The following USP32 variants were observed in gnomAD, a reference collection of about 807,000 sequenced individuals.
USP32 encodes the protein ubiquitin specific peptidase 32.
USP32 carries 59 observed loss-of-function variants against 204.8 expected under a neutral mutation model. The ratio of observed to expected loss-of-function variants is 0.29; its 90% CI spans 0.23 to 0.36. The LOEUF is 0.36. USP32 is among the 10% of genes least tolerant of loss of function. The pLI is 1.00. For missense variants in USP32, 1,160 were observed against 1,946.4 expected (o/e 0.60, Z 7.60); for synonymous variants, 517 against 678.4 (o/e 0.76, Z 3.70).
At chr17:60,283,906 G>C (rs546823032) in intron 5 of USP32, among the ~76,000 whole-genome samples, 3 of 152,096 alleles carry the variant, frequency 2.0e-5, no homozygotes, top group Non-Finnish European at 4.4e-5. Context: ...CATCATCCGA[G>C]AACAAACTAG....
rs569124762 is a variant in USP32, at chr17:60,219,895, C to G, written c.1750-108G>C. The stretch of plus-strand genomic sequence containing the variant: ...TAAACCAAAATGTCCAACAAGTTCA[C>G]TAGCTACATTTCAGTAATTACTGAA... On this transcript the variant is annotated intron_variant, in intron 15 of 33. Transcript: ENST00000300896. The G allele has an allele frequency of 1.2e-5, 12 of 1,040,680 alleles. No individual in the cohort carries two copies. In the South Asian group the frequency reaches 1.5e-4, roughly 13 times the overall value. The allele number at this position is 1,040,680 out of a possible 1,614,324, so 64.5% of individuals were successfully genotyped here. A position where few individuals can be genotyped will look rare whatever the true frequency, so the allele number is the denominator to read the frequency against.
chr17:60,235,589 C>T (rs2085702239), intron 12 of USP32, among the ~76,000 whole-genome samples: 1 of 152,138 alleles, frequency 6.6e-6, no homozygotes, highest in Non-Finnish European at 1.5e-5. Flanking sequence ...TATCAGTTGG[C>T]TCTCCAAGAA....
chr17:60,238,842 C>A (rs1298324885), intron 11 of USP32, among the ~76,000 whole-genome samples: 3 of 150,658 alleles, frequency 2.0e-5, no homozygotes, highest in African/African-American at 7.3e-5. Flanking sequence ...TGTGGTGGTG[C>A]ACGCCTGTGG....
At chr17:60,183,552 T>C (rs1322168265) in intron 30 of USP32, 99 bp from the exon 31 acceptor site, 2 of 1,431,820 alleles carry the variant, frequency 1.4e-6, no homozygotes, top group Non-Finnish European at 1.9e-6. Context: ...TGTTTGGGAA[T>C]ATATAACAGA....
chr17:60,255,306 T>TC lies in USP32; in HGVS notation c.991-49_991-48insG, dbSNP rs751557802. 11 of 1,501,256 alleles carry TC rather than the reference T, an allele frequency of 7.3e-6. No individual in the cohort carries two copies. In the African/African-American group the frequency reaches 1.2e-4, roughly 16 times the overall value. The allele number at this position is 1,501,256 out of a possible 1,614,324, so 93.0% of individuals were successfully genotyped here. A position where few individuals can be genotyped will look rare whatever the true frequency, so the allele number is the denominator to read the frequency against. On this transcript the variant is annotated intron_variant, in intron 9 of 33. Transcript: ENST00000300896. ...AGGAACATCTTTTTTTTCTTTTTTT[T>TC]TTTTTTTTTGAGACGGAGTCTCATA...
intron 2 of USP32, among the ~76,000 whole-genome samples, chr17:60,310,623 CG>C (rs1362414040): frequency 6.6e-6 from 1 of 151,834 alleles, no homozygotes. Flanking sequence ...CACTTGAACC[CG>C]GGAGGCGGAG....
At chr17:60,270,584 G>A (rs774497179) in intron 6 of USP32, among the ~76,000 whole-genome samples, 1 of 152,146 alleles carries the variant, frequency 6.6e-6, no homozygotes, top group Non-Finnish European at 1.5e-5. Context: ...AGCACTTTGG[G>A]AGGCTGAGGT....
chr17:60,216,302 A>C (rs561618317), intron 16 of USP32, among the ~76,000 whole-genome samples: 139 of 151,788 alleles, frequency 9.2e-4, no homozygotes, highest in African/African-American at 3.3e-3. Context: ...AAAAAAAAAA[A>C]AAAACATCAT....
At chr17:60,311,647 A>G (rs545887165) in intron 2 of USP32, among the ~76,000 whole-genome samples, 21 of 152,144 alleles carry the variant, frequency 1.4e-4, no homozygotes, top group Admixed American at 6.5e-4. Flanking sequence ...ACATGGTGAA[A>G]CCCTGTCTCT....
chr17:60,222,588 T>C, intron 14 of USP32, 39 bp from the exon 15 acceptor site: 1 of 1,598,196 alleles, frequency 6.3e-7, no homozygotes, highest in South Asian at 1.1e-5. Flanking sequence ...CTTTCAATAT[T>C]ACAAAAGTTT....
intron 16 of USP32, among the ~76,000 whole-genome samples, chr17:60,216,739 G>A (rs2085113931): frequency 6.6e-6 from 1 of 152,042 alleles, no homozygotes; most frequent in Non-Finnish European, 1.5e-5. Context: ...GTAATAAATT[G>A]AGTATTTGAG....
chr17:60,395,115 A>C (rs1484632678), upstream of USP32, among the ~76,000 whole-genome samples: 6 of 152,216 alleles, frequency 3.9e-5, no homozygotes, highest in African/African-American at 1.4e-4. Flanking sequence ...AAAGCAGTGT[A>C]ATCTTACATG....
At chr17:60,180,699 C>G (rs1175464788) in intron 32 of USP32, 62 bp from the exon 33 acceptor site, 4 of 1,488,908 alleles carry the variant, frequency 2.7e-6, no homozygotes, top group African/African-American at 2.8e-5. Context: ...CAGGGTATAG[C>G]ACTAGGATCT....
intron 9 of USP32, among the ~76,000 whole-genome samples, chr17:60,262,158 A>G (rs1056148661): frequency 6.6e-6 from 1 of 152,062 alleles, no homozygotes; most frequent in African/African-American, 2.4e-5. Flanking sequence ...TTCACTGACT[A>G]TATGGCTTAT....
chr17:60,364,383 G>A (rs934196114), intron 1 of USP32, among the ~76,000 whole-genome samples: 4 of 152,154 alleles, frequency 2.6e-5, no homozygotes, highest in East Asian at 3.9e-4. Context: ...TTTTTGAGGG[G>A]TTGTCTGTTT....
chr17:60,247,502 T>C (rs905287007), intron 11 of USP32, among the ~76,000 whole-genome samples: 2 of 152,068 alleles, frequency 1.3e-5, no homozygotes, highest in Non-Finnish European at 2.9e-5. Flanking sequence ...TTTGATTTGA[T>C]TTTAGTGTAT....
chr17:60,395,451 A>G (rs527353443), upstream of USP32, among the ~76,000 whole-genome samples: 1 of 152,232 alleles, frequency 6.6e-6, no homozygotes, highest in Non-Finnish European at 1.5e-5. Context: ...TAAAACCTGC[A>G]TTTTGGTTTG....
intron 1 of USP32, among the ~76,000 whole-genome samples, chr17:60,406,996 C>T (rs2089980984): frequency 6.6e-6 from 1 of 152,094 alleles, no homozygotes; most frequent in Non-Finnish European, 1.5e-5. Context: ...ACAAAACATA[C>T]AGAACAACCG....
chr17:60,391,929 T>C lies in USP32; in HGVS notation c.11A>G (p.Lys4Arg), dbSNP rs1204933701. MGA[K>R]ESRIGFLSYE... ...GCTGAGGAATCCGATCCGTGACTCC[T>C]TGGCACCCATGCTCCCCTCATCCCC... The change falls in exon 1 of 34, where the codon AAG (lysine) becomes AGG (arginine). Residue 4 changes from lysine (K) to arginine (R), a missense_variant. Around this residue, in one of 8 missense-constraint regions of USP32, gnomAD observed 536 missense variants for 680.9 expected, o/e 0.79. Coordinates refer to ENST00000300896, the MANE Select transcript of USP32 (RefSeq NM_032582.4). 6.2e-7 allele frequency: 1 copy of C among 1,611,160 alleles called. No individual in the cohort carries two copies. The highest frequency in any genetic ancestry group is 2.2e-5 in the East Asian group (1 of 44,600).
Sources: gnomAD v4.1 joint callset for allele counts (sites outside exome capture counted in the v4.1 genomes callset) on GRCh38, gnomAD v4.1.1 for gene constraint, gnomAD v4.1.1 regional missense constraint, MANE v1.5 for transcripts, NCBI Gene and HGNC (gene_info 2026-07-23, HGNC 2026-07-21) for gene names.